EHD3: variants seen among roughly 807,000 people sequenced by gnomAD.
The protein encoded by EHD3 is EH domain-containing protein 3.
EHD3 carries 17 observed loss-of-function variants against 43.0 expected under a neutral mutation model. That is an observed-to-expected ratio of 0.40 (90% CI 0.27 to 0.59). The LOEUF (loss-of-function observed/expected upper bound fraction) is 0.59. Among genes scored for constraint, EHD3 ranks in the 20% least tolerant of loss-of-function variants. The probability of loss-of-function intolerance (pLI) is 0.49; values close to 1 mark genes in which losing one functional copy is unlikely to be tolerated. For synonymous variants in EHD3, 313 were observed against 289.5 expected (o/e 1.08, Z -0.82); for missense variants, 594 against 705.6 (o/e 0.84, Z 1.79).
chr2:31,242,738 C>T (rs1683445960), intron 1 of EHD3, among the ~76,000 whole-genome samples: 1 of 152,186 alleles, frequency 6.6e-6, no homozygotes, highest in African/African-American at 2.4e-5. Flanking sequence ...GCAGGTGGAT[C>T]ACCTGAGGTC....
chr2:31,244,207 A>T, intron 1 of EHD3, 67 bp from the exon 2 acceptor site: 1 of 1,516,174 alleles, frequency 6.6e-7, no homozygotes, highest in South Asian at 1.3e-5. Context: ...TGTCTGCCTT[A>T]TAGTAGACAT....
chr2:31,251,869 C>G (rs1018164620), intron 3 of EHD3, among the ~76,000 whole-genome samples: 16 of 152,176 alleles, frequency 1.1e-4, no homozygotes, highest in African/African-American at 3.9e-4. Context: ...CCTAACCCAC[C>G]TATTCCCAAC....
intron 1 of EHD3, among the ~76,000 whole-genome samples, chr2:31,237,748 C>T (rs1394816969): frequency 1.3e-5 from 2 of 152,138 alleles, no homozygotes; most frequent in African/African-American, 2.4e-5. Flanking sequence ...ATGTTATAAG[C>T]GTTATTTGTC....
chr2:31,238,937 T>G (rs148690093), intron 1 of EHD3, among the ~76,000 whole-genome samples: 141 of 152,086 alleles, frequency 9.3e-4, no homozygotes, highest in Non-Finnish European at 1.5e-3. Context: ...GCTGGGCTGG[T>G]CTGGAGGGTT....
In EHD3 at chr2:31,266,977, G is replaced by A. The variant is rs576454724; in HGVS notation, c.*273G>A. ...TCTCTATCGCTCTTCCCCTCTCCTCGGCCACTCCCCAGATACCAGACCTGA... is the reference window on the plus strand; with the variant it reads ...TCTCTATCGCTCTTCCCCTCTCCTCAGCCACTCCCCAGATACCAGACCTGA... On this transcript the variant is annotated 3_prime_UTR_variant, in exon 6 of 6. Coordinates refer to ENST00000322054, the MANE Select transcript of EHD3 (RefSeq NM_014600.3). The surrounding 1 kb of genome is among the most constrained non-coding windows in gnomAD (Gnocchi z 5.1). 9.1e-4 allele frequency: 396 copies of A among 434,382 alleles called. 1 individual carries two copies. Among genetic ancestry groups the A allele is most frequent in the Middle Eastern group, 5.5e-3 (9 of 1,648 alleles). 26.9% of individuals were successfully genotyped at this position (434,382 alleles called of 1,614,324 possible).
chr2:31,249,554 A>G, intron 3 of EHD3, 86 bp downstream of exon 3: 1 of 1,215,216 alleles, frequency 8.2e-7, no homozygotes, highest in Non-Finnish European at 1.2e-6. Flanking sequence ...AGAAGCACCC[A>G]GGGCCATGCT....
intron 3 of EHD3, among the ~76,000 whole-genome samples, chr2:31,252,858 C>T (rs919822126): frequency 6.6e-6 from 1 of 152,166 alleles, no homozygotes; most frequent in Non-Finnish European, 1.5e-5. Flanking sequence ...TTCTGCTTTC[C>T]TGAGTCCAGA....
At chr2:31,238,718 C>T (rs1304770245) in intron 1 of EHD3, among the ~76,000 whole-genome samples, 1 of 152,204 alleles carries the variant, frequency 6.6e-6, no homozygotes. Flanking sequence ...CCTGGTCACT[C>T]CTTCTCGCTG....
intron 1 of EHD3, among the ~76,000 whole-genome samples, chr2:31,238,228 C>T (rs144602021): frequency 1.3e-5 from 2 of 152,284 alleles, no homozygotes; most frequent in African/African-American, 4.8e-5. Context: ...CAGAAGGCCT[C>T]CTCCTCTCCC....
chr2:31,266,960 G>A lies in EHD3; in HGVS notation c.*256G>A, dbSNP rs644503. ...CAGAGTCTAAGCCTAAGTCTCTATCGCTCTTCCCCTCTCCTCGGCCACTCC... is the reference window on the plus strand; with the variant it reads ...CAGAGTCTAAGCCTAAGTCTCTATCACTCTTCCCCTCTCCTCGGCCACTCC... On this transcript the variant is annotated 3_prime_UTR_variant, in exon 6 of 6. Coordinates refer to ENST00000322054, the MANE Select transcript of EHD3 (RefSeq NM_014600.3). This position sits in a 1 kb window ranked among gnomAD's most constrained non-coding sequence, Gnocchi z 5.1. 1.2e-5 allele frequency: 6 copies of A among 480,708 alleles called. No individual in the cohort carries two copies. The highest frequency in any genetic ancestry group is 1.0e-4 in the East Asian group (3 of 29,516). The allele number at this position is 480,708 out of a possible 1,614,324, so 29.8% of individuals were successfully genotyped here. A position where few individuals can be genotyped will look rare whatever the true frequency, so the allele number is the denominator to read the frequency against.
chr2:31,238,032 C>T (rs1683354409), intron 1 of EHD3, among the ~76,000 whole-genome samples: 1 of 151,786 alleles, frequency 6.6e-6, no homozygotes. Flanking sequence ...TTGAGATTCC[C>T]AGAAGTGGAA....
chr2:31,256,207 T>C (rs1683749871), intron 3 of EHD3, among the ~76,000 whole-genome samples: 1 of 152,106 alleles, frequency 6.6e-6, no homozygotes, highest in African/African-American at 2.4e-5. Context: ...GCACATCCCA[T>C]CTCATAGAAA....
At chr2:31,245,735 G>GTTTTTTTT (rs765195110) in intron 2 of EHD3, among the ~76,000 whole-genome samples, 2 of 68,318 alleles carry the variant, frequency 2.9e-5, no homozygotes, top group Admixed American at 1.6e-4. Context: ...CTAATTTTGT[G>GTTTTTTTT]TTTTTTTTTT....
At chr2:31,248,939 C>G (rs868810074) in intron 2 of EHD3, among the ~76,000 whole-genome samples, 36 of 152,120 alleles carry the variant, frequency 2.4e-4, no homozygotes, top group African/African-American at 8.2e-4. Context: ...AGGGGGTCTT[C>G]TCATTGGCTA....
At chr2:31,263,218 G>A (rs1313365896) in intron 5 of EHD3, among the ~76,000 whole-genome samples, 1 of 152,186 alleles carries the variant, frequency 6.6e-6, no homozygotes, top group Non-Finnish European at 1.5e-5. Flanking sequence ...GGGTTTCCCG[G>A]TCCTTGACTT....
chr2:31,264,018 G>A (rs191598090), intron 5 of EHD3, among the ~76,000 whole-genome samples: 4 of 152,342 alleles, frequency 2.6e-5, no homozygotes, highest in Admixed American at 6.5e-5. Context: ...GCCTGTGCCT[G>A]CTGTGTCAAA....
At chr2:31,262,591 T>C (rs1683876452) in intron 5 of EHD3, among the ~76,000 whole-genome samples, 1 of 152,238 alleles carries the variant, frequency 6.6e-6, no homozygotes, top group Non-Finnish European at 1.5e-5. Context: ...CCACCCACTG[T>C]ACAATGTTTG....
intron 3 of EHD3, among the ~76,000 whole-genome samples, chr2:31,253,222 C>T (rs573661387): frequency 7.0e-5 from 10 of 142,010 alleles, no homozygotes; most frequent in South Asian, 6.9e-4. Context: ...ACACAACTCC[C>T]CTCTTCCCCA....
intron 1 of EHD3, among the ~76,000 whole-genome samples, chr2:31,243,426 TTCTTTC>T (rs1683457237): frequency 9.9e-6 from 1 of 100,830 alleles, no homozygotes. Context: ...TCATTTTTCT[TTCTTTC>T]TTTCTTTCTT....
Sources: allele counts gnomAD v4.1 joint callset (sites outside exome capture counted in the v4.1 genomes callset), GRCh38; gene constraint gnomAD v4.1.1; non-coding constraint Gnocchi (gnomAD v3.1); transcripts MANE v1.5; gene names NCBI Gene and HGNC (gene_info 2026-07-23, HGNC 2026-07-21).